The following GRM7 variants were observed in gnomAD, a reference collection of about 807,000 sequenced individuals.
GRM7 encodes the protein metabotropic glutamate receptor 7.
Under a neutral mutation model 84.5 loss-of-function variants are expected in GRM7, and 35 were observed. That is an observed-to-expected ratio of 0.41 (90% CI 0.32 to 0.55). The LOEUF (loss-of-function observed/expected upper bound fraction) is 0.55, where lower values mean the gene tolerates loss of function less well. Among genes scored for constraint, GRM7 ranks in the 20% least tolerant of loss-of-function variants. The pLI, the probability that GRM7 is intolerant of heterozygous loss-of-function variation, is 0.19. For synonymous variants in GRM7, 487 were observed against 455.1 expected (o/e 1.07, Z -0.89); for missense variants, 1,003 against 1,194.6 (o/e 0.84, Z 2.36).
At chr3:7,040,248 C>A (rs1163364343) in intron 1 of GRM7, among the ~76,000 whole-genome samples, 1 of 152,186 alleles carries the variant, frequency 6.6e-6, no homozygotes, top group Non-Finnish European at 1.5e-5. Context: ...GTAACAGAAA[C>A]CTCACTGCTA....
chr3:7,236,799 C>T (rs1697364024), intron 2 of GRM7, among the ~76,000 whole-genome samples: 1 of 152,080 alleles, frequency 6.6e-6, no homozygotes, highest in Non-Finnish European at 1.5e-5. Flanking sequence ...ATGCTTTAGC[C>T]CTAAAAGATC....
intron 2 of GRM7, among the ~76,000 whole-genome samples, chr3:7,290,964 C>A (rs980444343): frequency 2.5e-4 from 38 of 152,036 alleles, no homozygotes; most frequent in African/African-American, 8.9e-4. Context: ...CCCCTCCCCA[C>A]CCCCAGGTGC....
At chr3:7,513,058 A>G (rs1700266474) in intron 7 of GRM7, among the ~76,000 whole-genome samples, 1 of 152,222 alleles carries the variant, frequency 6.6e-6, no homozygotes, top group Non-Finnish European at 1.5e-5. Flanking sequence ...GAGCCCAGGG[A>G]GTAGGGAATT....
At chr3:7,252,846 A>C (rs913321809) in intron 2 of GRM7, among the ~76,000 whole-genome samples, 67 of 150,278 alleles carry the variant, frequency 4.5e-4, no homozygotes, top group African/African-American at 1.5e-3. Flanking sequence ...CCGCCACCAC[A>C]CCCAGCTAAT....
At chr3:7,648,467 T>G (rs1318391391) in intron 8 of GRM7, among the ~76,000 whole-genome samples, 1 of 151,560 alleles carries the variant, frequency 6.6e-6, no homozygotes, top group Non-Finnish European at 1.5e-5. Context: ...GCCAACATAG[T>G]AAAACCCCAT....
At chr3:7,330,885 C>CT (rs1701182030) in intron 4 of GRM7, among the ~76,000 whole-genome samples, 1 of 152,120 alleles carries the variant, frequency 6.6e-6, no homozygotes, top group East Asian at 1.9e-4. Flanking sequence ...CTGGAATCTT[C>CT]TTTCTCTTTA....
chr3:7,361,134 A>G (rs1341997558), intron 4 of GRM7, among the ~76,000 whole-genome samples: 1 of 152,030 alleles, frequency 6.6e-6, no homozygotes, highest in Admixed American at 6.5e-5. Flanking sequence ...TTCTTTTCTT[A>G]TTCGTTGATT....
At chr3:7,688,206 T>C (rs1347472064) in intron 9 of GRM7, among the ~76,000 whole-genome samples, 1 of 152,170 alleles carries the variant, frequency 6.6e-6, no homozygotes, top group Admixed American at 6.5e-5. Context: ...ATATTTTAAG[T>C]CAATCTTTTG....
chr3:6,993,039 G>T (rs1422062172), intron 1 of GRM7, among the ~76,000 whole-genome samples: 1 of 152,232 alleles, frequency 6.6e-6, no homozygotes, highest in Non-Finnish European at 1.5e-5. Context: ...ACTCAGTTCA[G>T]CATGGCTGGG....
chr3:6,967,819 T>C (rs1262759835), intron 1 of GRM7, among the ~76,000 whole-genome samples: 1 of 152,190 alleles, frequency 6.6e-6, no homozygotes, highest in African/African-American at 2.4e-5. Context: ...TTTCATACAG[T>C]GGTTCTCAAA....
At chr3:7,134,494 T>C (rs954582296) in intron 1 of GRM7, among the ~76,000 whole-genome samples, 1 of 152,094 alleles carries the variant, frequency 6.6e-6, no homozygotes, top group Non-Finnish European at 1.5e-5. Flanking sequence ...CTCTCAGATA[T>C]TTTATTTTAA....
At chr3:7,181,395 G>A (rs1695332589) in intron 2 of GRM7, among the ~76,000 whole-genome samples, 1 of 151,878 alleles carries the variant, frequency 6.6e-6, no homozygotes, top group Admixed American at 6.6e-5. Context: ...TCTTCCCTAG[G>A]GTTTAAAAAT....
At chr3:7,430,563 TA>T (rs1279811596) in intron 5 of GRM7, among the ~76,000 whole-genome samples, 2 of 152,258 alleles carry the variant, frequency 1.3e-5, no homozygotes, top group Non-Finnish European at 2.9e-5. Context: ...CTTTAGAAGT[TA>T]GGCACATACC....
At chr3:7,457,779 G>C (rs4260425) in intron 6 of GRM7, among the ~76,000 whole-genome samples, 1 of 152,134 alleles carries the variant, frequency 6.6e-6, no homozygotes, top group South Asian at 2.1e-4. Flanking sequence ...AAGAAGCTTA[G>C]ATGCCCCACT....
chr3:6,938,117 C>A (rs562163629), intron 1 of GRM7, among the ~76,000 whole-genome samples: 98 of 152,322 alleles, frequency 6.4e-4, no homozygotes, highest in African/African-American at 2.1e-3. Context: ...TTTAGGCCTT[C>A]ATTCCAATAG....
At chr3:7,635,700 G>T (rs190759742) in intron 8 of GRM7, among the ~76,000 whole-genome samples, 7 of 152,270 alleles carry the variant, frequency 4.6e-5, no homozygotes, top group African/African-American at 9.6e-5. Flanking sequence ...TAGGGACAAG[G>T]TCTTGCTGTG....
chr3:6,902,481 C>A (rs1696423091), intron 1 of GRM7, among the ~76,000 whole-genome samples: 1 of 152,020 alleles, frequency 6.6e-6, no homozygotes, highest in Non-Finnish European at 1.5e-5. Context: ...ATTTGAGTTA[C>A]AGAAAATCCA....
chr3:7,262,946 C>T (rs1393666166), intron 2 of GRM7, among the ~76,000 whole-genome samples: 5 of 1,046 alleles, frequency 4.8e-3, no homozygotes, highest in Non-Finnish European at 5.5e-3. Context: ...GATCCACCCA[C>T]CATGCCTCTC....
intron 3 of GRM7, among the ~76,000 whole-genome samples, chr3:7,303,229 C>G (rs186763558): frequency 1.3e-5 from 2 of 151,924 alleles, no homozygotes; most frequent in Non-Finnish European, 2.9e-5. Flanking sequence ...CGTGAGCCAC[C>G]GTGCCCAGCT....
Sources: gnomAD v4.1 joint callset for allele counts (sites outside exome capture counted in the v4.1 genomes callset) on GRCh38, gnomAD v4.1.1 for gene constraint, MANE v1.5 for transcripts, NCBI Gene and HGNC (gene_info 2026-07-23, HGNC 2026-07-21) for gene names.